IPO11: variants seen among roughly 807,000 people sequenced by gnomAD.
IPO11 encodes the protein importin 11.
A neutral mutation model predicts 143.2 loss-of-function variants in IPO11; 66 were observed. The observed-to-expected ratio is 0.46, with a 90% CI of 0.38 to 0.57. The LOEUF is 0.57. IPO11 is among the 20% of genes least tolerant of loss of function. IPO11 has a pLI of 0.00. For synonymous variants in IPO11, 385 were observed against 377.8 expected (o/e 1.02, Z -0.22); for missense variants, 1,026 against 1,141.0 (o/e 0.90, Z 1.45).
At position 62,476,752 on chromosome 5, in the gene IPO11, T is replaced by C; in HGVS notation, c.827T>C (p.Val276Ala). Residue 276 changes from valine (V) to alanine (A), a missense_variant and splice_region_variant, in exon 9 of 30, where the codon GTG becomes GCG. By Grantham distance (64) the Val-to-Ala change is moderately conservative (BLOSUM62 0). Coordinates refer to ENST00000325324, the MANE Select transcript of IPO11 (RefSeq NM_016338.5). ...AAGACCATCATTCTTTTTACTAAAGTGGTAAGTTTTTTAAAAACTTGTTTT... is the reference window on the plus strand; with the variant it reads ...AAGACCATCATTCTTTTTACTAAAGCGGTAAGTTTTTTAAAAACTTGTTTT... ...LEKTIILFTK[V>A]LLDFLDQHPF... is the part of the protein sequence containing the mutation. 3 of 1,515,736 alleles carry C rather than the reference T, an allele frequency of 2.0e-6. No homozygotes were observed. The highest frequency in any genetic ancestry group is 2.7e-6 in the Non-Finnish European group (3 of 1,128,932). The allele number at this position is 1,515,736 out of a possible 1,614,324, so 93.9% of individuals were successfully genotyped here. A position where few individuals can be genotyped will look rare whatever the true frequency, so the allele number is the denominator to read the frequency against.
At chr5:62,565,817 C>T (rs1400292308) in intron 27 of IPO11, among the ~76,000 whole-genome samples, 2 of 150,314 alleles carry the variant, frequency 1.3e-5, no homozygotes, top group African/African-American at 2.4e-5. Context: ...GTGTGTTGCT[C>T]CCCTCCTTGT....
chr5:62,532,609 C>T lies in IPO11; in HGVS notation c.2089+1824C>T, dbSNP rs116710828. Among the ~76,000 whole-genome samples, 1,114 of 152,292 alleles carry T rather than the reference C, an allele frequency of 7.3e-3. 14 individuals are homozygous for T. Among genetic ancestry groups the T allele is most frequent in the African/African-American group, 0.025 (1,047 of 41,544 alleles). On this transcript the variant is annotated intron_variant, in intron 22 of 29. Transcript: ENST00000325324. The stretch of plus-strand genomic sequence containing the variant: ...CTGGCCTAATGTGATCCACCTGCCT[C>T]GGCATCCTAATGTGCTGGGATTACA...
At chr5:62,452,054 G>A (rs879412502) in intron 5 of IPO11, 121 bp downstream of exon 5, 73 of 721,112 alleles carry the variant, frequency 1.0e-4, no homozygotes, top group Non-Finnish European at 1.5e-4. Context: ...GTCAGGCCTG[G>A]CCAATATGGT....
intron 27 of IPO11, among the ~76,000 whole-genome samples, chr5:62,567,114 G>A (rs976818487): frequency 6.6e-5 from 10 of 152,156 alleles, no homozygotes; most frequent in African/African-American, 2.4e-4. Context: ...GGCCTGTGGT[G>A]ATGAATTCCC....
At chr5:62,598,213 G>A (rs1383568068) in intron 28 of IPO11, among the ~76,000 whole-genome samples, 1 of 151,950 alleles carries the variant, frequency 6.6e-6, no homozygotes. Flanking sequence ...TACTGGCACT[G>A]GGGGGCTGGG....
intron 26 of IPO11, among the ~76,000 whole-genome samples, chr5:62,558,372 A>G (rs1743650193): frequency 6.6e-6 from 1 of 152,198 alleles, no homozygotes. Context: ...AGAACTACGT[A>G]AATATAGGAT....
At chr5:62,572,240 G>A (rs1400096038) in intron 27 of IPO11, among the ~76,000 whole-genome samples, 4 of 152,038 alleles carry the variant, frequency 2.6e-5, no homozygotes, top group African/African-American at 9.7e-5. Flanking sequence ...ATTAAAGTAA[G>A]GTACTTCTTC....
At chr5:62,583,025 G>A (rs1744627763) in intron 27 of IPO11, among the ~76,000 whole-genome samples, 1 of 152,136 alleles carries the variant, frequency 6.6e-6, no homozygotes, top group Non-Finnish European at 1.5e-5. Flanking sequence ...TCCCTGCTTA[G>A]CTGAATGCCT....
intron 21 of IPO11, chr5:62,526,886 A>G (rs1319114950): frequency 6.6e-6 from 1 of 152,210 alleles, no homozygotes; most frequent in East Asian, 1.9e-4. Context: ...TCAAAATCCC[A>G]TTTTGTAAAT....
At chr5:62,481,066 C>T (rs1746186498) in intron 9 of IPO11, among the ~76,000 whole-genome samples, 1 of 151,790 alleles carries the variant, frequency 6.6e-6, no homozygotes, top group Non-Finnish European at 1.5e-5. Context: ...CAGGCACCCG[C>T]CACCATGCCC....
intron 8 of IPO11, among the ~76,000 whole-genome samples, chr5:62,475,985 A>AT (rs1442231761): frequency 7.2e-5 from 11 of 152,196 alleles, no homozygotes; most frequent in African/African-American, 2.7e-4. Context: ...GGAGCTACTG[A>AT]TTGTTTTATG....
At chr5:62,589,285 CAGCTT>C (rs1744925410) in intron 27 of IPO11, among the ~76,000 whole-genome samples, 1 of 152,192 alleles carries the variant, frequency 6.6e-6, no homozygotes, top group African/African-American at 2.4e-5. Context: ...TCCCCTTCCT[CAGCTT>C]AGAACCTGAT....
chr5:62,560,973 C>G, intron 26 of IPO11, 163 bp from the exon 27 acceptor site: 1 of 495,822 alleles, frequency 2.0e-6, no homozygotes, highest in South Asian at 4.0e-5. Flanking sequence ...CTCAAATTAT[C>G]CATTTCCAGC....
chr5:62,625,105 A>G (rs898460277), intron 29 of IPO11, among the ~76,000 whole-genome samples: 6 of 152,226 alleles, frequency 3.9e-5, no homozygotes, highest in Admixed American at 2.6e-4. Flanking sequence ...GAATAATGAC[A>G]TATGCCACAT....
At position 62,514,192 on chromosome 5, in the gene IPO11, C is replaced by T. The variant is rs556891882; in HGVS notation, c.1783-1196C>T. On this transcript the variant is annotated intron_variant, in intron 19 of 29. Transcript: ENST00000325324. The stretch of plus-strand genomic sequence containing the variant: ...GCTCCTCACTTCCCAGACGGGGTGG[C>T]GGCCGGGCAGGGGCTGCAATCTCTG... Among the ~76,000 whole-genome samples, 19 of 152,088 alleles carry T rather than the reference C, an allele frequency of 1.2e-4. 1 individual carries two copies. The highest frequency in any genetic ancestry group is 4.6e-4 in the Admixed American group (7 of 15,304).
At chr5:62,618,139 A>G (rs1746210415) in intron 29 of IPO11, among the ~76,000 whole-genome samples, 1 of 152,208 alleles carries the variant, frequency 6.6e-6, no homozygotes, top group African/African-American at 2.4e-5. Flanking sequence ...GAACAGAAAT[A>G]GTACAGGTTA....
intron 24 of IPO11, among the ~76,000 whole-genome samples, chr5:62,538,732 C>T (rs1205564135): frequency 6.6e-6 from 1 of 152,150 alleles, no homozygotes; most frequent in Non-Finnish European, 1.5e-5. Flanking sequence ...AGTAAGATAC[C>T]ATCTAGATTT....
intron 16 of IPO11, among the ~76,000 whole-genome samples, chr5:62,498,987 T>G (rs1237064336): frequency 6.6e-6 from 1 of 152,260 alleles, no homozygotes; most frequent in Admixed American, 6.5e-5. Flanking sequence ...TGAAAGCCTA[T>G]GTAAGATATA....
intron 20 of IPO11, among the ~76,000 whole-genome samples, chr5:62,525,648 A>C (rs1034327445): frequency 8.5e-5 from 13 of 152,208 alleles, no homozygotes; most frequent in African/African-American, 3.1e-4. Context: ...CCTCCCAATG[A>C]GTTGGGATGA....
Sources: gnomAD v4.1 joint callset for allele counts (sites outside exome capture counted in the v4.1 genomes callset) on GRCh38, gnomAD v4.1.1 for gene constraint, MANE v1.5 for transcripts, NCBI Gene and HGNC (gene_info 2026-07-23, HGNC 2026-07-21) for gene names.